The following PAPOLA variants were observed in gnomAD, a reference collection of about 807,000 sequenced individuals.
PAPOLA encodes polynucleotide adenylyltransferase alpha.
In PAPOLA, 15 loss-of-function variants were observed where a neutral mutation model predicts 100.6. That is an observed-to-expected ratio of 0.15 (90% CI 0.10 to 0.23). PAPOLA has a LOEUF of 0.23. Ranked by LOEUF, PAPOLA falls within the 10% of genes least tolerant of loss-of-function variation. The probability of loss-of-function intolerance (pLI) is 1.00; values close to 1 mark genes in which losing one functional copy is unlikely to be tolerated. For synonymous variants in PAPOLA, 293 were observed against 300.0 expected (o/e 0.98, Z 0.24); for missense variants, 533 against 884.2 (o/e 0.60, Z 5.04).
chr14:96,517,225 A>G (rs1897538887), intron 1 of PAPOLA, among the ~76,000 whole-genome samples: 1 of 152,234 alleles, frequency 6.6e-6, no homozygotes. Context: ...AGTCATTTAT[A>G]AAAGCATTCA....
intron 9 of PAPOLA, chr14:96,533,292 G>GT (rs1899205944): frequency 1.0e-6 from 1 of 984,584 alleles, no homozygotes; most frequent in Non-Finnish European, 1.2e-6. Flanking sequence ...AGGGTTCTTG[G>GT]TTTTTAATCA....
At chr14:96,520,389 GTT>G (rs1897850793) in intron 2 of PAPOLA, among the ~76,000 whole-genome samples, 161 bp downstream of exon 2, 2 of 152,034 alleles carry the variant, frequency 1.3e-5, no homozygotes, top group African/African-American at 4.8e-5. Flanking sequence ...AAAACTTTTT[GTT>G]TTTGAGACGG....
intron 3 of PAPOLA, among the ~76,000 whole-genome samples, chr14:96,523,662 A>G (rs1898208950): frequency 6.6e-6 from 1 of 152,224 alleles, no homozygotes; most frequent in South Asian, 2.1e-4. Context: ...ATACAACATT[A>G]CAGCCAGGCG....
chr14:96,507,436 C>T (rs985178232), intron 1 of PAPOLA, among the ~76,000 whole-genome samples: 2 of 151,448 alleles, frequency 1.3e-5, no homozygotes, highest in South Asian at 2.1e-4. Flanking sequence ...TACAGGCGCC[C>T]GCCACTGCGC....
rs1006367188 is a variant in PAPOLA, at chr14:96,518,688, C to T, written c.9-1367C>T. 7.9e-5 allele frequency among the ~76,000 whole-genome samples: 12 copies of T among 151,966 alleles called. No homozygotes were observed. In the East Asian group the frequency reaches 9.7e-4, roughly 12 times the overall value. ...CTGGGATTACAAGCGTGAGCCACCG[C>T]GCCTGGCCTTTATTGCATATGTAGA... On this transcript the variant is annotated intron_variant, in intron 1 of 21. Transcript: ENST00000216277.
intron 14 of PAPOLA, among the ~76,000 whole-genome samples, chr14:96,543,590 T>TC (rs1318315600): frequency 1.3e-5 from 2 of 151,910 alleles, no homozygotes; most frequent in Non-Finnish European, 2.9e-5. Flanking sequence ...ATATAAGAGT[T>TC]TTTTTACATT....
At chr14:96,557,189 G>A (rs759189801) in intron 19 of PAPOLA, among the ~76,000 whole-genome samples, 5 of 152,064 alleles carry the variant, frequency 3.3e-5, no homozygotes, top group Non-Finnish European at 7.4e-5. Context: ...GGGACTACAG[G>A]TGCGCACCAC....
intron 1 of PAPOLA, among the ~76,000 whole-genome samples, chr14:96,513,962 A>C (rs1897264906): frequency 6.6e-6 from 1 of 152,072 alleles, no homozygotes; most frequent in South Asian, 2.1e-4. Flanking sequence ...ATTTTCTTTC[A>C]GTGCCTTTAT....
intron 12 of PAPOLA, among the ~76,000 whole-genome samples, chr14:96,539,405 G>C (rs2140298596): frequency 6.6e-6 from 1 of 152,164 alleles, no homozygotes; most frequent in African/African-American, 2.4e-5. Context: ...GATCTTCCCA[G>C]GTGAGATGAA....
chr14:96,556,005 T>G, intron 18 of PAPOLA, 58 bp downstream of exon 18: 2 of 1,306,178 alleles, frequency 1.5e-6, no homozygotes, highest in Non-Finnish European at 2.2e-6. Flanking sequence ...GGTTTAGCCT[T>G]CATTTTGAAA....
intron 16 of PAPOLA, among the ~76,000 whole-genome samples, chr14:96,549,754 A>G (rs1411592761): frequency 6.6e-6 from 1 of 152,244 alleles, no homozygotes; most frequent in African/African-American, 2.4e-5. Context: ...AAACAAAACT[A>G]AAATATCAAG....
At chr14:96,518,971 C>T (rs1051079140) in intron 1 of PAPOLA, among the ~76,000 whole-genome samples, 3 of 152,080 alleles carry the variant, frequency 2.0e-5, no homozygotes, top group Admixed American at 6.5e-5. Context: ...GCAGGAGAAT[C>T]GGTGGAACCT....
intron 1 of PAPOLA, among the ~76,000 whole-genome samples, chr14:96,511,465 TATG>T (rs1296077182): frequency 2.6e-5 from 4 of 152,214 alleles, no homozygotes; most frequent in Admixed American, 6.5e-5. Flanking sequence ...CCAATGGAAA[TATG>T]ATGTTCTGTC....
chr14:96,532,801 T>C (rs1295301509), intron 9 of PAPOLA, 152 bp downstream of exon 9: 2 of 1,350,208 alleles, frequency 1.5e-6, no homozygotes, highest in African/African-American at 3.0e-5. Context: ...GTGTATAAAA[T>C]GGCAAACTGA....
Position 96,566,111 on chromosome 14 carries a change from ACTC to A in PAPOLA, c.*1064_*1066del. On this transcript the variant is annotated 3_prime_UTR_variant, in exon 22 of 22. Coordinates refer to ENST00000216277, the MANE Select transcript of PAPOLA (RefSeq NM_032632.5). ...AAAGGAATTTTGTACACTCCACAGA[ACTC>A]CTATCTATAGTAAAATTGATTTTCA... is the stretch of plus-strand genomic sequence containing the variant. 5.1e-6 allele frequency: 2 copies of A among 393,550 alleles called. No individual in the cohort carries two copies. Among genetic ancestry groups the A allele is most frequent in the Non-Finnish European group, 4.5e-6 (1 of 222,724 alleles). 24.4% of individuals were successfully genotyped at this position (393,550 alleles called of 1,614,324 possible). A position where few individuals can be genotyped will look rare whatever the true frequency, so the allele number is the denominator to read the frequency against.
intron 1 of PAPOLA, among the ~76,000 whole-genome samples, chr14:96,510,808 G>A (rs1335675960): frequency 2.0e-5 from 3 of 152,112 alleles, no homozygotes; most frequent in Non-Finnish European, 4.4e-5. Context: ...GTTAACCATC[G>A]TTTTAATTTC....
chr14:96,518,567 G>A (rs12586332), intron 1 of PAPOLA, among the ~76,000 whole-genome samples: 16,867 of 151,694 alleles, frequency 0.11, 989 homozygotes, highest in South Asian at 0.17. Context: ...CCGCCACTAC[G>A]CCCAGCTAAT....
intron 15 of PAPOLA, among the ~76,000 whole-genome samples, 196 bp downstream of exon 15, chr14:96,544,454 T>C (rs905424906): frequency 6.6e-6 from 1 of 152,034 alleles, no homozygotes; most frequent in East Asian, 1.9e-4. Context: ...CAGAAGTGTT[T>C]AGGATTTTTT....
Position 96,555,950 on chromosome 14 carries a change from A to G in PAPOLA, c.1765+3A>G, listed in dbSNP as rs1486993237. 6.4e-7 allele frequency: 1 copy of G among 1,565,112 alleles called. No individual in the cohort carries two copies. The highest frequency in any genetic ancestry group is 1.1e-5 in the South Asian group (1 of 89,800). ...AAATTCCAGTGAAAGCTCAGGGGGT[A>G]AGGAGATTGGGTTTGTCAGGTTTGA... On this transcript the variant is annotated splice_donor_region_variant and intron_variant, in intron 18 of 21. Coordinates refer to ENST00000216277, the MANE Select transcript of PAPOLA (RefSeq NM_032632.5).
Sources: gnomAD v4.1 joint callset for allele counts (sites outside exome capture counted in the v4.1 genomes callset) on GRCh38, gnomAD v4.1.1 for gene constraint, MANE v1.5 for transcripts, NCBI Gene and HGNC (gene_info 2026-07-23, HGNC 2026-07-21) for gene names.